Variants in HMCN1 observed in about 807,000 individuals in gnomAD.
The protein encoded by HMCN1 is hemicentin-1.
A neutral mutation model predicts 625.9 loss-of-function variants in HMCN1; 321 were observed. That is an observed-to-expected ratio of 0.51 (90% CI 0.47 to 0.56). HMCN1 has a LOEUF of 0.56. Ranked by LOEUF, HMCN1 falls within the 20% of genes least tolerant of loss-of-function variation. The pLI is 0.00. For synonymous variants in HMCN1, 2,425 were observed against 2,417.6 expected, an observed-to-expected ratio of 1.00 and a Z score of -0.09; for missense variants, 6,588 against 6,887.3, an observed-to-expected ratio of 0.96 and a Z score of 1.54.
intron 36 of HMCN1, among the ~76,000 whole-genome samples, chr1:186,024,412 T>C (rs1183555849): frequency 6.6e-6 from 1 of 152,162 alleles, no homozygotes; most frequent in Non-Finnish European, 1.5e-5. Flanking sequence ...TTCTTTCTTA[T>C]TTCCCTATCC....
Position 186,069,717 on chromosome 1 carries a change from C to CT in HMCN1, c.7936dup (p.Cys2646LeufsTer6). 1 of 1,613,584 alleles carries CT rather than the reference C, an allele frequency of 6.2e-7. No homozygotes were observed. Among genetic ancestry groups the CT allele is most frequent in the Non-Finnish European group, 8.5e-7 (1 of 1,179,814 alleles). On this transcript the variant is annotated frameshift_variant, in exon 51 of 107. Coordinates refer to ENST00000271588, the MANE Select transcript of HMCN1 (RefSeq NM_031935.3). LOFTEE classifies it high-confidence loss of function. ...CAGGAGGACAATGCTGGAAGATACT[C>CT]TTGTGTAGCCACGAATGAGGCTGGA...
chr1:186,037,309 C>G (rs972292358), intron 36 of HMCN1, among the ~76,000 whole-genome samples: 1 of 152,126 alleles, frequency 6.6e-6, no homozygotes, highest in Non-Finnish European at 1.5e-5. Context: ...CAAGTTATTT[C>G]TTTTATATTA....
At position 186,139,597 on chromosome 1, in the gene HMCN1, GT is replaced by G. The variant is rs74329100; in HGVS notation, c.13924+1639del. ...GTTTTGTTCACTATTCTATTGGCTT[GT>G]TTTTTTTTTTTTTAAAGGCTTTCTC... On this transcript the variant is annotated intron_variant, in intron 89 of 106. Transcript: ENST00000271588. Among the ~76,000 whole-genome samples, 315 of 130,342 alleles carry G rather than the reference GT, an allele frequency of 2.4e-3. 2 individuals are homozygous for G. The highest frequency in any genetic ancestry group is 0.01 in the East Asian group (46 of 4,454). 85.5% of individuals were successfully genotyped at this position (130,342 alleles called of 152,430 possible).
chr1:186,161,939 G>C (rs564865529), intron 97 of HMCN1, among the ~76,000 whole-genome samples: 18 of 152,174 alleles, frequency 1.2e-4, no homozygotes, highest in African/African-American at 3.9e-4. Context: ...GGTGTTCTCT[G>C]TATTTCCTGA....
intron 4 of HMCN1, among the ~76,000 whole-genome samples, chr1:185,901,093 A>T (rs1665778801): frequency 6.6e-6 from 1 of 151,862 alleles, no homozygotes. Flanking sequence ...AAATCACTTC[A>T]TCTATATTAT....
chr1:185,957,149 T>G (rs1418121473), intron 11 of HMCN1: 1 of 152,252 alleles, frequency 6.6e-6, no homozygotes, highest in Non-Finnish European at 1.5e-5. Flanking sequence ...ATGTAAGTAC[T>G]TTCTTGTCCA....
intron 6 of HMCN1, among the ~76,000 whole-genome samples, chr1:185,913,374 T>A (rs1666532445): frequency 6.6e-6 from 1 of 152,208 alleles, no homozygotes; most frequent in African/African-American, 2.4e-5. Context: ...AAATTTTATG[T>A]AATGGTTATT....
At chr1:186,018,399 G>A in intron 34 of HMCN1, 47 bp downstream of exon 34, 1 of 1,514,134 alleles carries the variant, frequency 6.6e-7, no homozygotes, top group Non-Finnish European at 9.2e-7. Flanking sequence ...ATTAATTTAT[G>A]CATTGTTTTA....
chr1:185,769,926 T>C (rs899029206), intron 1 of HMCN1, among the ~76,000 whole-genome samples: 3 of 152,158 alleles, frequency 2.0e-5, no homozygotes, highest in African/African-American at 7.2e-5. Context: ...AAGTCTATTC[T>C]TGGAACTGGC....
intron 4 of HMCN1, among the ~76,000 whole-genome samples, chr1:185,874,189 A>G (rs1273211387): frequency 1.3e-5 from 2 of 151,898 alleles, no homozygotes; most frequent in African/African-American, 4.8e-5. Flanking sequence ...ATGGCTTTGA[A>G]AACAGTGAGC....
intron 1 of HMCN1, among the ~76,000 whole-genome samples, chr1:185,818,234 C>T (rs940350058): frequency 1.3e-5 from 2 of 152,158 alleles, no homozygotes; most frequent in African/African-American, 4.8e-5. Flanking sequence ...AAATTGATTA[C>T]CTAAGTTGCC....
At position 185,858,586 on chromosome 1, in the gene HMCN1, A is replaced by ATTT. The variant is rs71101980; in HGVS notation, c.340-5839_340-5837dup. ...GCCTATATGCCACCACACCCAGCTA[A>ATTT]TTTTTTTTTTTTTTTTTTTTTTTTT... On this transcript the variant is annotated intron_variant, in intron 2 of 106. Transcript: ENST00000271588. Among the ~76,000 whole-genome samples, 19 of 34,746 alleles carry ATTT rather than the reference A, an allele frequency of 5.5e-4. 5 individuals are homozygous for ATTT. Among genetic ancestry groups the ATTT allele is most frequent in the African/African-American group, 7.7e-4 (7 of 9,106 alleles). The allele number at this position is 34,746 out of a possible 152,430, so 22.8% of individuals were successfully genotyped here.
chr1:186,044,633 C>T (rs1656439870), intron 40 of HMCN1, among the ~76,000 whole-genome samples: 1 of 152,090 alleles, frequency 6.6e-6, no homozygotes, highest in Admixed American at 6.6e-5. Context: ...TTTAGTACAA[C>T]TTAACCTTTT....
chr1:185,989,788 T>C, intron 21 of HMCN1, 141 bp downstream of exon 21: 1 of 844,068 alleles, frequency 1.2e-6, no homozygotes, highest in African/African-American at 1.7e-5. Flanking sequence ...TTTTTTTTTT[T>C]TTTTTACAGA....
At chr1:186,174,007 A>G (rs1330027469) in intron 102 of HMCN1, among the ~76,000 whole-genome samples, 1 of 152,248 alleles carries the variant, frequency 6.6e-6, no homozygotes, top group Non-Finnish European at 1.5e-5. Context: ...AATACAGAAC[A>G]TAATTTATCA....
chr1:186,050,965 C>T (rs942627742), intron 42 of HMCN1, among the ~76,000 whole-genome samples: 1 of 151,946 alleles, frequency 6.6e-6, no homozygotes, highest in African/African-American at 2.4e-5. Flanking sequence ...ATATGAGACA[C>T]GTTTAACTGA....
chr1:185,971,222 A>T (rs937966256), intron 15 of HMCN1, among the ~76,000 whole-genome samples: 5 of 152,216 alleles, frequency 3.3e-5, no homozygotes, highest in African/African-American at 1.2e-4. Flanking sequence ...TAATTTGAAG[A>T]TATTGATGAC....
intron 104 of HMCN1, among the ~76,000 whole-genome samples, chr1:186,179,384 A>C (rs1428240953): frequency 6.6e-6 from 1 of 152,188 alleles, no homozygotes; most frequent in Non-Finnish European, 1.5e-5. Context: ...CTATAATTCC[A>C]TTTGTTTGCA....
chr1:185,900,396 A>T (rs1254809858), intron 4 of HMCN1, among the ~76,000 whole-genome samples: 1 of 151,996 alleles, frequency 6.6e-6, no homozygotes, highest in East Asian at 1.9e-4. Flanking sequence ...TATAAATCGA[A>T]ATGTCCTTTA....
Sources: gnomAD v4.1 joint callset for allele counts (sites outside exome capture counted in the v4.1 genomes callset) on GRCh38, gnomAD v4.1.1 for gene constraint, MANE v1.5 for transcripts, NCBI Gene and HGNC (gene_info 2026-07-23, HGNC 2026-07-21) for gene names.